The following NTM variants were observed in gnomAD, a reference collection of about 807,000 sequenced individuals.
NTM encodes the protein neurotrimin, also known as IgLON family member 2.
Under a neutral mutation model 42.1 loss-of-function variants are expected in NTM, and 13 were observed. The observed-to-expected ratio is 0.31, with a 90% CI of 0.20 to 0.49. The LOEUF (loss-of-function observed/expected upper bound fraction) is 0.49. NTM is among the 20% of genes least tolerant of loss of function. The pLI, the probability that NTM is intolerant of heterozygous loss-of-function variation, is 0.99. For synonymous variants in NTM, 187 were observed against 179.2 expected (o/e 1.04, Z -0.35); for missense variants, 373 against 452.8 (o/e 0.82, Z 1.60).
chr11:131,388,480 T>C (rs982607832), intron 1 of NTM, among the ~76,000 whole-genome samples: 2 of 151,902 alleles, frequency 1.3e-5, no homozygotes, highest in African/African-American at 4.8e-5. Flanking sequence ...TTCTTGTTTT[T>C]AGCAGGCAGG....
chr11:132,187,214 CGTGTGTGTGTGTGTGTGT>C (rs55849086), intron 3 of NTM, among the ~76,000 whole-genome samples: 6 of 148,348 alleles, frequency 4.0e-5, no homozygotes, highest in African/African-American at 1.2e-4. Context: ...GCTCAGATGG[CGTGTGTGTGTGTGTGTGT>C]GTGTGTGTGT....
At position 131,809,281 on chromosome 11, in the gene NTM, G is replaced by A. The variant is rs1010634940; in HGVS notation, c.83-102283G>A. Among the ~76,000 whole-genome samples, 5 of 152,232 alleles carry A rather than the reference G, an allele frequency of 3.3e-5. No homozygotes were observed. The South Asian group carries it at 1.0e-3, about 31-fold the overall frequency. On this transcript the variant is annotated intron_variant, in intron 1 of 8. Transcript: ENST00000683400. Reference sequence around the variant, plus strand: ...GTGCTGATGGGTCAGCTGGTAAGTAGCCATCCTCCCCGCACTGCCAGCTTT... The same window carrying A: ...GTGCTGATGGGTCAGCTGGTAAGTAACCATCCTCCCCGCACTGCCAGCTTT...
intron 1 of NTM, among the ~76,000 whole-genome samples, chr11:131,544,797 G>C (rs547063910): frequency 6.6e-6 from 1 of 152,208 alleles, no homozygotes; most frequent in Non-Finnish European, 1.5e-5. Flanking sequence ...CCTCCTGGGG[G>C]CGCCGCTTGC....
Position 132,128,265 on chromosome 11 carries a change from T to A in NTM, c.168-18017T>A, listed in dbSNP as rs150879359. Among the ~76,000 whole-genome samples, 374 of 152,282 alleles carry A rather than the reference T, an allele frequency of 2.5e-3. 1 individual carries two copies. Among genetic ancestry groups the A allele is most frequent in the African/African-American group, 8.4e-3 (348 of 41,562 alleles). On this transcript the variant is annotated intron_variant, in intron 2 of 8. Transcript: ENST00000683400. ...TTTTTTTTTTACATTGATAAACATGTTTGCTAATCATTTATCACAAATTAA... is the reference window on the plus strand; with the variant it reads ...TTTTTTTTTTACATTGATAAACATGATTGCTAATCATTTATCACAAATTAA...
At chr11:131,546,770 GAAAT>G (rs1410025388) in intron 1 of NTM, 1 of 152,276 alleles carries the variant, frequency 6.6e-6, no homozygotes, top group Non-Finnish European at 1.5e-5. Flanking sequence ...GAGGGAATGA[GAAAT>G]AAATTAGCCT....
chr11:132,137,025 C>G (rs2068062263), intron 2 of NTM, among the ~76,000 whole-genome samples: 1 of 152,186 alleles, frequency 6.6e-6, no homozygotes, highest in African/African-American at 2.4e-5. Flanking sequence ...ACTGTTCTTC[C>G]TAGTTTGCCT....
At chr11:132,140,673 G>T (rs764366189) in intron 2 of NTM, among the ~76,000 whole-genome samples, 1 of 152,184 alleles carries the variant, frequency 6.6e-6, no homozygotes, top group Non-Finnish European at 1.5e-5. Context: ...GTGTCTTCGT[G>T]GGGAAGTATC....
intron 1 of NTM, among the ~76,000 whole-genome samples, chr11:131,521,332 T>C (rs1591920375): frequency 1.1e-5 from 1 of 89,640 alleles, no homozygotes; most frequent in Non-Finnish European, 2.3e-5. Context: ...AATAAATAAA[T>C]AAATAAATAA....
rs553858452 is a variant in NTM, at chr11:131,482,773, A to T, written c.82+111885A>T. Among the ~76,000 whole-genome samples the T allele has an allele frequency of 6.6e-5, 10 of 152,326 alleles. No homozygotes were observed. In the South Asian group the frequency reaches 2.1e-3, roughly 32 times the overall value. ...TGGGAGAGTGGATAGACAGAGACAG[A>T]ACTAGAGTAAAGGAGATGAGGGTAC... On this transcript the variant is annotated intron_variant, in intron 1 of 8. Coordinates refer to ENST00000683400, the MANE Select transcript of NTM (RefSeq NM_001352005.2).
At chr11:131,454,660 G>A (rs1472944259) in intron 1 of NTM, among the ~76,000 whole-genome samples, 5 of 152,146 alleles carry the variant, frequency 3.3e-5, no homozygotes, top group African/African-American at 1.2e-4. Flanking sequence ...TAAATTTAAG[G>A]AAGTTGTCTT....
intron 2 of NTM, among the ~76,000 whole-genome samples, chr11:132,018,159 G>A (rs533071318): frequency 7.1e-4 from 107 of 150,494 alleles, no homozygotes; most frequent in Non-Finnish European, 1.3e-3. Context: ...CTCGTTTCCT[G>A]TCTCCCTCCC....
At position 131,968,212 on chromosome 11, in the gene NTM, C is replaced by T. The variant is rs185417888; in HGVS notation, c.167+56564C>T. Reference sequence around the variant, plus strand: ...GGAAATAAAAAACAAAAAACTAAGACGTAAGCAGGCTGTGACTTGCTCATG... The same window carrying T: ...GGAAATAAAAAACAAAAAACTAAGATGTAAGCAGGCTGTGACTTGCTCATG... On this transcript the variant is annotated intron_variant, in intron 2 of 8. Coordinates refer to ENST00000683400, the MANE Select transcript of NTM (RefSeq NM_001352005.2). Among the ~76,000 whole-genome samples the T allele has an allele frequency of 8.3e-4, 126 of 152,246 alleles. 5 individuals are homozygous for T. Among genetic ancestry groups the T allele is most frequent in the Admixed American group, 6.5e-3 (99 of 15,292 alleles).
intron 2 of NTM, among the ~76,000 whole-genome samples, chr11:132,132,948 A>T (rs1047220755): frequency 3.9e-5 from 6 of 152,222 alleles, no homozygotes. Flanking sequence ...GTGCATTGTC[A>T]AGCTTTCAAA....
At chr11:131,803,550 TC>T (rs1455185964) in intron 1 of NTM, among the ~76,000 whole-genome samples, 3 of 152,210 alleles carry the variant, frequency 2.0e-5, no homozygotes, top group African/African-American at 7.2e-5. Context: ...CCTCAAGCAA[TC>T]CGCCCACGTT....
intron 2 of NTM, among the ~76,000 whole-genome samples, chr11:132,124,443 A>T (rs544391466): frequency 1.3e-3 from 205 of 152,294 alleles, no homozygotes; most frequent in African/African-American, 4.8e-3. Flanking sequence ...CCTTAACATA[A>T]CTTAAAATGC....
chr11:131,732,481 G>T (rs58390501), intron 1 of NTM, among the ~76,000 whole-genome samples: 5,907 of 152,160 alleles, frequency 0.039, 392 homozygotes, highest in African/African-American at 0.13. Context: ...CACAGAATTG[G>T]TCATGCCGAA....
chr11:132,161,196 G>A (rs577859038), intron 3 of NTM, among the ~76,000 whole-genome samples: 1 of 152,202 alleles, frequency 6.6e-6, no homozygotes, highest in South Asian at 2.1e-4. Context: ...TGCTCCTCCA[G>A]TGAGGCTTCA....
chr11:131,667,033 C>G (rs1047487153), intron 1 of NTM, among the ~76,000 whole-genome samples: 9 of 152,154 alleles, frequency 5.9e-5, no homozygotes, highest in Non-Finnish European at 1.2e-4. Flanking sequence ...TTTGGCTGGC[C>G]CTTTGCTCCA....
chr11:131,373,887 G>T (rs905906951), intron 1 of NTM, among the ~76,000 whole-genome samples: 11 of 152,228 alleles, frequency 7.2e-5, no homozygotes, highest in Admixed American at 7.2e-4. Flanking sequence ...GAAGGAAAAG[G>T]TGCCTCGGCA....
Sources: allele counts gnomAD v4.1 joint callset (sites outside exome capture counted in the v4.1 genomes callset), GRCh38; gene constraint gnomAD v4.1.1; transcripts MANE v1.5; gene names NCBI Gene and HGNC (gene_info 2026-07-23, HGNC 2026-07-21).